Variants in ZRANB2 observed in about 807,000 individuals in gnomAD.
ZRANB2 encodes the protein zinc finger RANBP2-type containing 2, also known as zinc finger Ran-binding domain-containing protein 2.
Under a neutral mutation model 53.4 loss-of-function variants are expected in ZRANB2, and 19 were observed. The observed-to-expected ratio is 0.36, with a 90% confidence interval of 0.25 to 0.52. The LOEUF (loss-of-function observed/expected upper bound fraction) is 0.52, where lower values mean the gene tolerates loss of function less well. Among genes scored for constraint, ZRANB2 ranks in the 20% least tolerant of loss-of-function variants. The pLI is 0.93. For synonymous variants in ZRANB2, 145 were observed against 134.8 expected (o/e 1.08, Z -0.52); for missense variants, 309 against 401.1 (o/e 0.77, Z 1.96).
chr1:71,073,598 G>A (rs2101048131), intron 4 of ZRANB2, among the ~76,000 whole-genome samples: 1 of 151,752 alleles, frequency 6.6e-6, no homozygotes, highest in Admixed American at 6.6e-5. Flanking sequence ...TTGTACTAGT[G>A]AAAACTTCAA....
chr1:71,067,879 T>TC (rs978467117), intron 8 of ZRANB2, among the ~76,000 whole-genome samples: 1 of 144,594 alleles, frequency 6.9e-6, no homozygotes, highest in African/African-American at 2.6e-5. Context: ...CTACTTCTAT[T>TC]TTTTTTTTTT....
rs370897981 is a variant in ZRANB2, at chr1:71,081,025, G to C, written c.-30C>G. 3 of 1,614,078 alleles carry C rather than the reference G, an allele frequency of 1.9e-6. No homozygotes were observed. Among genetic ancestry groups the C allele is most frequent in the Admixed American group, 3.3e-5 (2 of 60,020 alleles). On this transcript the variant is annotated 5_prime_UTR_variant, in exon 1 of 10. Coordinates refer to ENST00000370920, the MANE Select transcript of ZRANB2 (RefSeq NM_203350.3). The stretch of plus-strand genomic sequence containing the variant: ...AACGCCACCAGCACAGCCACCCGCA[G>C]CTATGTCTTCACAGGAGGAAAACGG...
At chr1:71,068,547 A>T (rs1279036147) in intron 8 of ZRANB2, among the ~76,000 whole-genome samples, 1 of 152,066 alleles carries the variant, frequency 6.6e-6, no homozygotes, top group Non-Finnish European at 1.5e-5. Flanking sequence ...AACCGACTAT[A>T]CTTCCTGATT....
chr1:71,078,543 C>A lies in ZRANB2; in HGVS notation c.132G>T (p.Met44Ile). 1 of 1,614,024 alleles carries A rather than the reference C, an allele frequency of 6.2e-7. No homozygotes were observed. Among genetic ancestry groups the A allele is most frequent in the Non-Finnish European group, 8.5e-7 (1 of 1,179,958 alleles). Residue 44 changes from methionine to isoleucine, a missense_variant, in exon 3 of 10, where the codon ATG (methionine) becomes ATT (isoleucine). Coordinates refer to ENST00000370920, the MANE Select transcript of ZRANB2 (RefSeq NM_203350.3). ...CGREKTTEAK[M>I]MKAGGTEIGK... ...CTATTTCAGTGCCCCCAGCTTTCAT[C>A]ATCTTGGCCTCAGTTGTTTTCTCTG...
At chr1:71,077,335 T>C (rs1557794631) in intron 3 of ZRANB2, among the ~76,000 whole-genome samples, 2 of 152,172 alleles carry the variant, frequency 1.3e-5, no homozygotes, top group Non-Finnish European at 2.9e-5. Context: ...AATTCTGATG[T>C]CTTATGAAAA....
At chr1:71,075,091 T>A (rs993078606) in intron 4 of ZRANB2, among the ~76,000 whole-genome samples, 7 of 152,188 alleles carry the variant, frequency 4.6e-5, no homozygotes, top group East Asian at 1.9e-4. Context: ...AGGTCAAAGT[T>A]TTTTTAAGTT....
chr1:71,066,772 A>G lies in ZRANB2; in HGVS notation c.929+4T>C, dbSNP rs769013017. Reference sequence around the variant, plus strand: ...CCCATTCTTATTTCTACAGAAACCCAAACCTTTCGGGTGACCGTGATCTTG... The same window carrying G: ...CCCATTCTTATTTCTACAGAAACCCGAACCTTTCGGGTGACCGTGATCTTG... On this transcript the variant is annotated splice_donor_region_variant and intron_variant, in intron 9 of 9. Transcript: ENST00000370920. The G allele has an allele frequency of 6.2e-7, 1 of 1,609,596 alleles. No individual in the cohort carries two copies. The highest frequency in any genetic ancestry group is 1.1e-5 in the South Asian group (1 of 89,094).
chr1:71,077,707 T>C (rs552974958), intron 3 of ZRANB2, among the ~76,000 whole-genome samples: 1 of 152,152 alleles, frequency 6.6e-6, no homozygotes, highest in African/African-American at 2.4e-5. Context: ...TATAAAAAAA[T>C]GAGCCAGGCA....
Position 71,078,639 on chromosome 1 carries a change from C to A in ZRANB2, c.109+17G>T. The A allele has an allele frequency of 6.2e-7, 1 of 1,611,036 alleles. No homozygotes were observed. The highest frequency in any genetic ancestry group is 8.5e-7 in the Non-Finnish European group (1 of 1,177,918). On this transcript the variant is annotated intron_variant, in intron 2 of 9. Coordinates refer to ENST00000370920, the MANE Select transcript of ZRANB2 (RefSeq NM_203350.3). Reference sequence around the variant, plus strand: ...GATACATATACAGTATAAATAGAATCTTCTTTAAATACTTACCCCGACCAC... The same window carrying A: ...GATACATATACAGTATAAATAGAATATTCTTTAAATACTTACCCCGACCAC...
rs944004073 is a variant in ZRANB2, at chr1:71,064,987, C to A, written c.*87G>T. 2 of 846,804 alleles carry A rather than the reference C, an allele frequency of 2.4e-6. No individual in the cohort carries two copies. Among genetic ancestry groups the A allele is most frequent in the Admixed American group, 4.6e-5 (2 of 43,164 alleles). 52.5% of individuals were successfully genotyped at this position (846,804 alleles called of 1,614,324 possible). A position where few individuals can be genotyped will look rare whatever the true frequency, so the allele number is the denominator to read the frequency against. ...CATGCACCTCTACTAGCAGATTTAGCACTTCTGACCAAGTAAGACACCAAC... is the reference window on the plus strand; with the variant it reads ...CATGCACCTCTACTAGCAGATTTAGAACTTCTGACCAAGTAAGACACCAAC... On this transcript the variant is annotated 3_prime_UTR_variant, in exon 10 of 10. Coordinates refer to ENST00000370920, the MANE Select transcript of ZRANB2 (RefSeq NM_203350.3).
At chr1:71,072,756 G>A (rs796277642) in intron 4 of ZRANB2, among the ~76,000 whole-genome samples, 21 of 152,174 alleles carry the variant, frequency 1.4e-4, no homozygotes, top group African/African-American at 5.1e-4. Flanking sequence ...TGTACTTCTA[G>A]CTCTTTTCAA....
At chr1:71,072,834 G>A (rs895255561) in intron 4 of ZRANB2, among the ~76,000 whole-genome samples, 4 of 152,020 alleles carry the variant, frequency 2.6e-5, no homozygotes, top group African/African-American at 9.7e-5. Context: ...TCAAACTTCT[G>A]CTATAACCAA....
intron 9 of ZRANB2, chr1:71,065,913 A>T: frequency 2.9e-6 from 3 of 1,040,966 alleles, no homozygotes; most frequent in Non-Finnish European, 4.1e-6. Context: ...ATGCAGAGAA[A>T]CAAGACTGTG....
At chr1:71,077,165 T>C (rs993266638) in intron 3 of ZRANB2, among the ~76,000 whole-genome samples, 7 of 152,140 alleles carry the variant, frequency 4.6e-5, no homozygotes, top group African/African-American at 1.7e-4. Context: ...CGAGTATCAC[T>C]AATCCACAAA....
rs1410540139 is a variant in ZRANB2, at chr1:71,076,992, T to C, written c.219-115A>G. The C allele has an allele frequency of 3.9e-6, 3 of 771,636 alleles. No individual in the cohort carries two copies. The East Asian group carries it at 8.2e-5, about 21-fold the overall frequency. 47.8% of individuals were successfully genotyped at this position (771,636 alleles called of 1,614,324 possible). ...GGATGAAACCACTGTCAAAGAAATG[T>C]TTATTAAGTGGTAATGTAAACAAAG... On this transcript the variant is annotated intron_variant, in intron 3 of 9. Coordinates refer to ENST00000370920, the MANE Select transcript of ZRANB2 (RefSeq NM_203350.3).
intron 9 of ZRANB2, chr1:71,065,774 T>TC: frequency 6.2e-7 from 1 of 1,611,984 alleles, no homozygotes. Flanking sequence ...GAGAACATGT[T>TC]CATTAAGTTT....
intron 3 of ZRANB2, 111 bp from the exon 4 acceptor site, chr1:71,076,988 A>C: frequency 3.8e-6 from 3 of 794,256 alleles, no homozygotes; most frequent in Non-Finnish European, 6.0e-6. Context: ...CTGTCAAAGA[A>C]ATGTTTATTA....
intron 8 of ZRANB2, chr1:71,067,494 C>T (rs1433497518): frequency 1.0e-5 from 3 of 300,000 alleles, no homozygotes. Flanking sequence ...TTTATATTTA[C>T]AATACTATTT....
rs1196351785 is a variant in ZRANB2 at position 71,064,847 on chromosome 1, G to C, written c.*227C>G. The C allele has an allele frequency of 5.2e-6, 2 of 384,608 alleles. No homozygotes were observed. The highest frequency in any genetic ancestry group is 4.5e-5 in the Admixed American group (1 of 22,168). 23.8% of individuals were successfully genotyped at this position (384,608 alleles called of 1,614,324 possible). On this transcript the variant is annotated 3_prime_UTR_variant, in exon 10 of 10. Coordinates refer to ENST00000370920, the MANE Select transcript of ZRANB2 (RefSeq NM_203350.3). ...TGAAATGGTTTTAAATGAAGCAAATGGTTGTAAATAATGAATGACAGAACA... is the reference window on the plus strand; with the variant it reads ...TGAAATGGTTTTAAATGAAGCAAATCGTTGTAAATAATGAATGACAGAACA...
Sources: gnomAD v4.1 joint callset for allele counts (sites outside exome capture counted in the v4.1 genomes callset) on GRCh38, gnomAD v4.1.1 for gene constraint, MANE v1.5 for transcripts, NCBI Gene and HGNC (gene_info 2026-07-23, HGNC 2026-07-21) for gene names.